Variants in LDLRAD4 observed in about 807,000 individuals in gnomAD.
The protein encoded by LDLRAD4 is low density lipoprotein receptor class A domain containing 4, also known as low-density lipoprotein receptor class A domain-containing protein 4.
In LDLRAD4, 5 loss-of-function variants were observed where a neutral mutation model predicts 17.0. The observed-to-expected ratio is 0.29, with a 90% confidence interval of 0.15 to 0.62. The LOEUF (loss-of-function observed/expected upper bound fraction) is 0.62. LDLRAD4 is among the 20% of genes least tolerant of loss of function. The pLI, the probability that LDLRAD4 is intolerant of heterozygous loss-of-function variation, is 0.84. For synonymous variants in LDLRAD4, 168 were observed against 171.8 expected (o/e 0.98, Z 0.17); for missense variants, 340 against 424.7 (o/e 0.80, Z 1.75).
chr18:13,429,780 C>T (rs536616235), intron 2 of LDLRAD4, among the ~76,000 whole-genome samples: 156 of 152,334 alleles, frequency 1.0e-3, no homozygotes, highest in East Asian at 5.8e-4. Context: ...GGGTTCCTGA[C>T]GCAGCTCCCG....
intron 1 of LDLRAD4, among the ~76,000 whole-genome samples, chr18:13,386,115 T>G (rs1468033220): frequency 6.6e-6 from 1 of 152,254 alleles, no homozygotes; most frequent in East Asian, 1.9e-4. Context: ...CTCTGTTCTC[T>G]TAAGTTCTTT....
chr18:13,305,658 G>A (rs930575942), intron 1 of LDLRAD4, among the ~76,000 whole-genome samples: 3 of 152,204 alleles, frequency 2.0e-5, no homozygotes, highest in Non-Finnish European at 2.9e-5. Flanking sequence ...TGAATTGCTC[G>A]ATTTGTGCTG....
chr18:13,591,556 C>T (rs2095030325), intron 3 of LDLRAD4, among the ~76,000 whole-genome samples: 1 of 152,140 alleles, frequency 6.6e-6, no homozygotes, highest in Non-Finnish European at 1.5e-5. Context: ...AATAGTGATT[C>T]TTAACCTTGC....
At chr18:13,556,139 C>T (rs909562812) in intron 3 of LDLRAD4, among the ~76,000 whole-genome samples, 1 of 152,132 alleles carries the variant, frequency 6.6e-6, no homozygotes, top group African/African-American at 2.4e-5. Flanking sequence ...TAGAGTTCAT[C>T]GTGTCTGGAA....
chr18:13,599,700 C>A (rs1201172154), intron 3 of LDLRAD4, among the ~76,000 whole-genome samples: 1 of 151,996 alleles, frequency 6.6e-6, no homozygotes, highest in Non-Finnish European at 1.5e-5. Flanking sequence ...ACCCTGTTAG[C>A]CAGGATGGTC....
intron 4 of LDLRAD4, chr18:13,642,501 C>A: frequency 8.2e-7 from 1 of 1,222,746 alleles, no homozygotes; most frequent in Non-Finnish European, 1.0e-6. Context: ...AAAAAGGATG[C>A]TAACTCACCA....
intron 3 of LDLRAD4, among the ~76,000 whole-genome samples, chr18:13,465,911 T>C (rs1000140130): frequency 7.9e-5 from 12 of 152,200 alleles, no homozygotes; most frequent in Admixed American, 7.9e-4. Flanking sequence ...TTTGCCATAT[T>C]ATTTTCCTTA....
At chr18:13,385,419 A>G (rs1303232121) in intron 1 of LDLRAD4, among the ~76,000 whole-genome samples, 1 of 152,158 alleles carries the variant, frequency 6.6e-6, no homozygotes, top group Non-Finnish European at 1.5e-5. Flanking sequence ...ATTTTCTCCC[A>G]GTCTATCGGT....
chr18:13,291,570 A>C (rs945566479), intron 1 of LDLRAD4, among the ~76,000 whole-genome samples: 1 of 152,120 alleles, frequency 6.6e-6, no homozygotes, highest in African/African-American at 2.4e-5. Flanking sequence ...TCACAGGCAC[A>C]GCTCTTCCTT....
intron 3 of LDLRAD4, among the ~76,000 whole-genome samples, chr18:13,501,564 T>A (rs1323295099): frequency 7.0e-6 from 1 of 142,356 alleles, no homozygotes; most frequent in Non-Finnish European, 1.6e-5. Context: ...GTTGGCATTG[T>A]GTATTTTCAA....
intron 3 of LDLRAD4, among the ~76,000 whole-genome samples, chr18:13,459,159 CAAAAAAAAAAAAAAA>C (rs534798084): frequency 2.1e-3 from 114 of 53,754 alleles, no homozygotes; most frequent in African/African-American, 6.3e-3. Context: ...ATCTCTACAC[CAAAAAAAAAAAAAAA>C]AAAAAAAAAA....
At chr18:13,421,776 A>T (rs1237188192) in intron 2 of LDLRAD4, among the ~76,000 whole-genome samples, 1 of 152,230 alleles carries the variant, frequency 6.6e-6, no homozygotes, top group Non-Finnish European at 1.5e-5. Flanking sequence ...AGGAGGCAGA[A>T]ATACAGGTAT....
At chr18:13,429,670 A>G (rs930428495) in intron 2 of LDLRAD4, among the ~76,000 whole-genome samples, 1 of 152,236 alleles carries the variant, frequency 6.6e-6, no homozygotes, top group African/African-American at 2.4e-5. Context: ...TAGGTGTGAG[A>G]ACGCAAAGAG....
Position 13,645,533 on chromosome 18 carries a change from C to G in LDLRAD4, c.797C>G (p.Ser266Cys), listed in dbSNP as rs2042976512. The change falls in exon 6 of 6, where the codon TCT (serine) becomes TGT (cysteine). Residue 266 changes from serine to cysteine, a missense_variant. Coordinates refer to ENST00000359446, the Ensembl canonical transcript of LDLRAD4. This position sits in a 1 kb window ranked among gnomAD's most constrained non-coding sequence, Gnocchi z 5.7. ...GTGATGGGCCACCACCCAGGCGCCT[C>G]TTTCCTCCATCACCAGCGCAGCAAC... The G allele has an allele frequency of 6.2e-7, 1 of 1,610,784 alleles. No individual in the cohort carries two copies. Among genetic ancestry groups the G allele is most frequent in the Non-Finnish European group, 8.5e-7 (1 of 1,178,670 alleles).
chr18:13,263,824 T>C (rs1005428611), intron 1 of LDLRAD4, among the ~76,000 whole-genome samples: 4 of 152,200 alleles, frequency 2.6e-5, no homozygotes, highest in African/African-American at 7.2e-5. Flanking sequence ...CCTGACTGCA[T>C]TGCTGTCCCT....
At chr18:13,652,523 T>A (rs770325321) in exon 6 of LDLRAD4, 2 of 152,654 alleles carry the variant, frequency 1.3e-5, no homozygotes, top group Non-Finnish European at 2.9e-5. Flanking sequence ...TGCTTACTTT[T>A]CAACATAATT....
At chr18:13,609,548 T>G (rs2039296260) in intron 3 of LDLRAD4, among the ~76,000 whole-genome samples, 1 of 152,042 alleles carries the variant, frequency 6.6e-6, no homozygotes, top group African/African-American at 2.4e-5. Flanking sequence ...TGTGTGTGTG[T>G]GTGTGTGTGT....
At position 13,331,074 on chromosome 18, in the gene LDLRAD4, A is replaced by G. The variant is rs141802204; in HGVS notation, c.-383+52886A>G. On this transcript the variant is annotated intron_variant, in intron 1 of 5. Transcript: ENST00000359446. ...CTGTATAATAAAGCAGTAAAGGTAA[A>G]TAAGTGTTTCCTTGAGTTCTGTAAG... Among the ~76,000 whole-genome samples, 633 of 152,248 alleles carry G rather than the reference A, an allele frequency of 4.2e-3. 2 individuals are homozygous for G. The highest frequency in any genetic ancestry group is 0.013 in the African/African-American group (545 of 41,468).
At chr18:13,574,518 A>C (rs1010698558) in intron 3 of LDLRAD4, among the ~76,000 whole-genome samples, 12 of 151,988 alleles carry the variant, frequency 7.9e-5, no homozygotes, top group Non-Finnish European at 2.9e-5. Context: ...TTTAAGAAGG[A>C]CTCCAGAAGC....
Sources: gnomAD v4.1 joint callset for allele counts (sites outside exome capture counted in the v4.1 genomes callset) on GRCh38, gnomAD v4.1.1 for gene constraint, Gnocchi (gnomAD v3.1) non-coding constraint, MANE v1.5 for transcripts, NCBI Gene and HGNC (gene_info 2026-07-23, HGNC 2026-07-21) for gene names.